PLXNA4: variants seen among roughly 807,000 people sequenced by gnomAD.
PLXNA4 encodes plexin-A4.
A neutral mutation model predicts 191.8 loss-of-function variants in PLXNA4; 44 were observed. That is an observed-to-expected ratio of 0.23 (90% CI 0.18 to 0.29). The LOEUF is 0.29. Among genes scored for constraint, PLXNA4 ranks in the 10% least tolerant of loss-of-function variants. The pLI, the probability that PLXNA4 is intolerant of heterozygous loss-of-function variation, is 1.00. For missense variants in PLXNA4, 1,800 were observed against 2,488.8 expected (o/e 0.72, Z 5.89); for synonymous variants, 1,082 against 1,009.5 (o/e 1.07, Z -1.36).
chr7:132,264,517 G>T (rs150808644), intron 4 of PLXNA4, among the ~76,000 whole-genome samples: 123 of 152,132 alleles, frequency 8.1e-4, no homozygotes, highest in African/African-American at 2.8e-3. Context: ...TTAAAAGTAG[G>T]CAGTGCTTGC....
At chr7:132,406,770 G>A (rs893276828) in intron 3 of PLXNA4, among the ~76,000 whole-genome samples, 26 of 152,120 alleles carry the variant, frequency 1.7e-4, no homozygotes, top group African/African-American at 6.0e-4. Context: ...TGGGTGACCT[G>A]TCTCCCAGGA....
intron 3 of PLXNA4, among the ~76,000 whole-genome samples, chr7:132,412,927 G>C (rs946383929): frequency 3.3e-5 from 5 of 152,150 alleles, no homozygotes; most frequent in African/African-American, 9.7e-5. Context: ...ACCTTGGGGT[G>C]CCATGACAGA....
chr7:132,611,532 C>T (rs1803045940), intron 2 of PLXNA4, among the ~76,000 whole-genome samples: 1 of 152,202 alleles, frequency 6.6e-6, no homozygotes, highest in Non-Finnish European at 1.5e-5. Context: ...GATCAGAGGG[C>T]AGCAAGGCTA....
At chr7:132,522,721 G>A (rs1467838291) in intron 1 of PLXNA4, among the ~76,000 whole-genome samples, 3 of 152,172 alleles carry the variant, frequency 2.0e-5, no homozygotes, top group Non-Finnish European at 4.4e-5. Context: ...GCAGCAAGCT[G>A]AGATTGTGCC....
At chr7:132,495,673 G>T (rs1398561834) in intron 2 of PLXNA4, among the ~76,000 whole-genome samples, 1 of 152,142 alleles carries the variant, frequency 6.6e-6, no homozygotes, top group Admixed American at 6.5e-5. Context: ...GAATGGAAAA[G>T]TATCATCTAG....
intron 9 of PLXNA4, among the ~76,000 whole-genome samples, chr7:132,213,044 C>T (rs1239854612): frequency 6.6e-6 from 1 of 152,146 alleles, no homozygotes; most frequent in African/African-American, 2.4e-5. Flanking sequence ...AAAATGTGGC[C>T]TATTCATACA....
At chr7:132,210,183 TC>T (rs1339662951) in intron 10 of PLXNA4, among the ~76,000 whole-genome samples, 2 of 152,146 alleles carry the variant, frequency 1.3e-5, no homozygotes, top group Non-Finnish European at 2.9e-5. Context: ...TCTCTGAGCA[TC>T]TGGGCACAAA....
At chr7:132,273,633 T>C (rs1171843642) in intron 4 of PLXNA4, among the ~76,000 whole-genome samples, 1 of 152,152 alleles carries the variant, frequency 6.6e-6, no homozygotes, top group Non-Finnish European at 1.5e-5. Flanking sequence ...ATGGCCATAG[T>C]GTTGACTGAG....
At chr7:132,596,889 C>A (rs1802719960) in intron 2 of PLXNA4, among the ~76,000 whole-genome samples, 1 of 147,198 alleles carries the variant, frequency 6.8e-6, no homozygotes, top group South Asian at 2.1e-4. Context: ...CAGCATGGAA[C>A]CTGGTTTTAA....
chr7:132,181,260 A>T, intron 18 of PLXNA4, 121 bp downstream of exon 18: 1 of 1,515,986 alleles, frequency 6.6e-7, no homozygotes, highest in East Asian at 2.3e-5. Context: ...TCTGGGCTAC[A>T]CTGCAACCTC....
intron 3 of PLXNA4, among the ~76,000 whole-genome samples, chr7:132,372,163 CACT>C (rs1403951588): frequency 6.6e-6 from 1 of 152,184 alleles, no homozygotes; most frequent in Non-Finnish European, 1.5e-5. Context: ...TGTCATGTGG[CACT>C]ACATTAGGGC....
intron 3 of PLXNA4, among the ~76,000 whole-genome samples, chr7:132,303,103 G>A (rs1214522777): frequency 1.3e-5 from 2 of 151,502 alleles, no homozygotes; most frequent in Admixed American, 6.6e-5. Context: ...TCTCAAACTC[G>A]ACCTCGTGAT....
intron 3 of PLXNA4, among the ~76,000 whole-genome samples, chr7:132,310,589 G>A (rs946077407): frequency 7.2e-5 from 11 of 152,188 alleles, no homozygotes; most frequent in Admixed American, 3.9e-4. Context: ...AAGGGCACCC[G>A]CAGCAGCCAG....
chr7:132,399,875 A>T (rs1345583987), intron 3 of PLXNA4, among the ~76,000 whole-genome samples: 2 of 152,110 alleles, frequency 1.3e-5, no homozygotes. Context: ...TTCAGTGCAC[A>T]CTTTGATGAG....
chr7:132,520,502 A>G (rs1237082722), intron 1 of PLXNA4, among the ~76,000 whole-genome samples: 1 of 152,194 alleles, frequency 6.6e-6, no homozygotes, highest in African/African-American at 2.4e-5. Flanking sequence ...AGACCCCTCG[A>G]CAGGTTGACT....
chr7:132,302,907 G>A (rs1277732428), intron 3 of PLXNA4, among the ~76,000 whole-genome samples: 1 of 152,036 alleles, frequency 6.6e-6, no homozygotes, highest in Non-Finnish European at 1.5e-5. Flanking sequence ...ACAGATTCTT[G>A]CTCTTGTTGC....
chr7:132,260,561 G>A (rs1584913584), intron 4 of PLXNA4, among the ~76,000 whole-genome samples: 1 of 152,014 alleles, frequency 6.6e-6, no homozygotes, highest in African/African-American at 2.4e-5. Context: ...CTGTCTATCT[G>A]GTACTATGCT....
At chr7:132,623,343 T>C (rs1321760787) in intron 2 of PLXNA4, among the ~76,000 whole-genome samples, 1 of 137,370 alleles carries the variant, frequency 7.3e-6, no homozygotes, top group Admixed American at 7.8e-5. Context: ...CAAAATTCCA[T>C]CTCAAAAAAT....
At chr7:132,185,554 T>G in intron 15 of PLXNA4, 91 bp from the exon 16 acceptor site, 1 of 1,492,524 alleles carries the variant, frequency 6.7e-7, no homozygotes, top group Admixed American at 2.3e-5. Context: ...TCCCTGCATG[T>G]CAGGATGCTC....
Sources: allele counts gnomAD v4.1 joint callset (sites outside exome capture counted in the v4.1 genomes callset), GRCh38; gene constraint gnomAD v4.1.1; transcripts MANE v1.5; gene names NCBI Gene and HGNC (gene_info 2026-07-23, HGNC 2026-07-21).